The following NEDD9 variants were observed in gnomAD, a reference collection of about 807,000 sequenced individuals.
NEDD9 encodes neural precursor cell expressed, developmentally down-regulated 9.
Under a neutral mutation model 76.6 loss-of-function variants are expected in NEDD9, and 26 were observed. That is an observed-to-expected ratio of 0.34 (90% confidence interval 0.25 to 0.47). NEDD9 has a LOEUF of 0.47. Ranked by LOEUF, NEDD9 falls within the 20% of genes least tolerant of loss-of-function variation. The pLI, the probability that NEDD9 is intolerant of heterozygous loss-of-function variation, is 1.00. For synonymous variants in NEDD9, 392 were observed against 414.2 expected (o/e 0.95, Z 0.65); for missense variants, 937 against 1,058.5 (o/e 0.89, Z 1.59).
intron 3 of NEDD9, among the ~76,000 whole-genome samples, chr6:11,278,167 A>G (rs1396306457): frequency 2.6e-5 from 4 of 151,784 alleles, no homozygotes; most frequent in African/African-American, 9.7e-5. Context: ...CAAGCTTCTC[A>G]CTCGCCAGCC....
intron 3 of NEDD9, among the ~76,000 whole-genome samples, chr6:11,275,180 C>G (rs2113348271): frequency 6.6e-6 from 1 of 152,182 alleles, no homozygotes; most frequent in East Asian, 1.9e-4. Context: ...CACTTACTTG[C>G]AGGCTGTAAA....
intron 1 of NEDD9, among the ~76,000 whole-genome samples, chr6:11,227,875 A>C (rs9295828): frequency 6.6e-6 from 1 of 151,724 alleles, no homozygotes; most frequent in Admixed American, 6.6e-5. Flanking sequence ...TCAGAGTTTG[A>C]TTGTTTAAAC....
intron 3 of NEDD9, among the ~76,000 whole-genome samples, chr6:11,254,777 G>C (rs1220100003): frequency 1.3e-5 from 2 of 152,190 alleles, no homozygotes; most frequent in Non-Finnish European, 2.9e-5. Flanking sequence ...CCCATGGAGA[G>C]AGACCCTCTT....
exon 1 of NEDD9, chr6:11,382,242 CAT>C (rs917655019): frequency 4.6e-5 from 7 of 152,252 alleles, no homozygotes; most frequent in African/African-American, 1.7e-4. Context: ...GCTGCATGCT[CAT>C]GTTTCCCTCT....
At chr6:11,324,113 G>A (rs1462468183) in intron 2 of NEDD9, among the ~76,000 whole-genome samples, 1 of 152,216 alleles carries the variant, frequency 6.6e-6, no homozygotes, top group African/African-American at 2.4e-5. Flanking sequence ...TCAGAGCCAC[G>A]TGGCCACTGG....
At chr6:11,285,835 C>T (rs551753635) in intron 3 of NEDD9, among the ~76,000 whole-genome samples, 11 of 152,258 alleles carry the variant, frequency 7.2e-5, no homozygotes, top group African/African-American at 2.6e-4. Flanking sequence ...CAGTTCATAT[C>T]TTTCATTATA....
chr6:11,311,861 T>C (rs1458352253), intron 2 of NEDD9, among the ~76,000 whole-genome samples: 1 of 152,136 alleles, frequency 6.6e-6, no homozygotes, highest in African/African-American at 2.4e-5. Context: ...CTTCCCAACA[T>C]CCCTTGCTCT....
intron 2 of NEDD9, among the ~76,000 whole-genome samples, chr6:11,330,508 G>T (rs1448442460): frequency 2.0e-5 from 3 of 152,204 alleles, no homozygotes; most frequent in South Asian, 2.1e-4. Flanking sequence ...TAGGCTAGAC[G>T]TAGCAAAGGC....
chr6:11,200,359 A>G, intron 2 of NEDD9: 1 of 550,562 alleles, frequency 1.8e-6, no homozygotes, highest in Non-Finnish European at 3.1e-6. Context: ...GGCAGAAGGA[A>G]ACAAAATTCT....
chr6:11,354,127 T>C (rs1561845218), intron 1 of NEDD9, among the ~76,000 whole-genome samples: 1 of 152,202 alleles, frequency 6.6e-6, no homozygotes, highest in African/African-American at 2.4e-5. Context: ...TGTGAAATAC[T>C]GTGGTTTGAA....
At position 11,366,194 on chromosome 6, in the gene NEDD9, G is replaced by C. The variant is rs141533508; in HGVS notation, c.-214+15945C>G. 3.0e-3 allele frequency among the ~76,000 whole-genome samples: 450 copies of C among 152,018 alleles called. 1 individual carries two copies. The highest frequency in any genetic ancestry group is 0.014 in the South Asian group (66 of 4,820). ...AGCTACTCAGCAGGCTGAAGCAGGA[G>C]AATCACTTGAACCTGGGAGGCAGAG... On this transcript the variant is annotated intron_variant, in intron 1 of 3. Coordinates refer to the NEDD9 transcript ENST00000397378.
At chr6:11,312,749 G>GTATT (rs2113443879) in intron 2 of NEDD9, among the ~76,000 whole-genome samples, 1 of 150,100 alleles carries the variant, frequency 6.7e-6, no homozygotes, top group South Asian at 2.1e-4. Context: ...TTCATACTGA[G>GTATT]TATTTGCAGG....
At chr6:11,351,779 A>G (rs534282798) in intron 1 of NEDD9, among the ~76,000 whole-genome samples, 31 of 152,262 alleles carry the variant, frequency 2.0e-4, no homozygotes, top group African/African-American at 7.0e-4. Flanking sequence ...TTCCCCTCAA[A>G]GGCTTCTGTG....
intron 3 of NEDD9, among the ~76,000 whole-genome samples, chr6:11,293,026 T>C (rs1443824144): frequency 6.6e-6 from 1 of 152,206 alleles, no homozygotes. Flanking sequence ...TAACAATCTC[T>C]ACAGGTGGTT....
At chr6:11,382,133 A>G (rs1763074812) in intron 1 of NEDD9, 2 of 152,072 alleles carry the variant, frequency 1.3e-5, no homozygotes, top group Non-Finnish European at 2.9e-5. Context: ...GTGGCTGAGA[A>G]CTCACCCAAG....
intron 3 of NEDD9, among the ~76,000 whole-genome samples, chr6:11,261,223 G>A (rs192920712): frequency 3.3e-5 from 5 of 152,210 alleles, no homozygotes; most frequent in East Asian, 1.9e-4. Flanking sequence ...ATTATCAAGC[G>A]TTTTCACATT....
At chr6:11,188,074 TA>T in intron 6 of NEDD9, 143 bp downstream of exon 6, 1 of 690,378 alleles carries the variant, frequency 1.4e-6, no homozygotes, top group Non-Finnish European at 2.5e-6. Flanking sequence ...TCTTTGCTTT[TA>T]AACCCCATTC....
At chr6:11,329,418 C>T (rs944238610) in intron 2 of NEDD9, among the ~76,000 whole-genome samples, 1 of 152,192 alleles carries the variant, frequency 6.6e-6, no homozygotes, top group South Asian at 2.1e-4. Context: ...CCCCCAGGAC[C>T]TTTCTCTGCC....
intron 1 of NEDD9, among the ~76,000 whole-genome samples, chr6:11,371,959 A>G (rs1364763272): frequency 1.3e-5 from 2 of 152,194 alleles, no homozygotes; most frequent in East Asian, 3.8e-4. Context: ...CATCACCTCA[A>G]GCATTTATCC....
Sources: gnomAD v4.1 joint callset for allele counts (sites outside exome capture counted in the v4.1 genomes callset) on GRCh38, gnomAD v4.1.1 for gene constraint, MANE v1.5 for transcripts, NCBI Gene and HGNC (gene_info 2026-07-23, HGNC 2026-07-21) for gene names.